The following DPYD variants were observed in gnomAD, a reference collection of about 807,000 sequenced individuals.
The protein encoded by DPYD is dihydropyrimidine dehydrogenase, also known as dihydropyrimidine dehydrogenase [NADP(+)].
In DPYD, 109 loss-of-function variants were observed where a neutral mutation model predicts 116.2. The ratio of observed to expected loss-of-function variants is 0.94; its 90% CI spans 0.80 to 1.10. The LOEUF (loss-of-function observed/expected upper bound fraction) is 1.10, where lower values mean the gene tolerates loss of function less well. Ranked by LOEUF, DPYD falls within the 50% of genes least tolerant of loss-of-function variation. DPYD has a pLI of 0.00. For synonymous variants in DPYD, 440 were observed against 432.0 expected, an observed-to-expected ratio of 1.02 and a Z score of -0.23; for missense variants, 1,302 against 1,254.5, an observed-to-expected ratio of 1.04 and a Z score of -0.57.
intron 1 of DPYD, among the ~76,000 whole-genome samples, chr1:97,900,547 T>A (rs1029148295): frequency 2.0e-5 from 3 of 151,908 alleles, no homozygotes; most frequent in African/African-American, 7.2e-5. Flanking sequence ...TTGAAATCCA[T>A]CAAATGTCAA....
chr1:97,551,751 C>T (rs1240900551), intron 11 of DPYD, among the ~76,000 whole-genome samples: 2 of 152,022 alleles, frequency 1.3e-5, no homozygotes, highest in Non-Finnish European at 2.9e-5. Flanking sequence ...TGTTTACAGT[C>T]GGCCCTCCAT....
At chr1:97,307,518 T>C (rs1226634348) in intron 16 of DPYD, among the ~76,000 whole-genome samples, 3 of 149,854 alleles carry the variant, frequency 2.0e-5, no homozygotes, top group Non-Finnish European at 2.9e-5. Context: ...AAGTTATGCA[T>C]TTTTGTGCTA....
chr1:97,375,029 C>CA (rs35693384), intron 15 of DPYD, among the ~76,000 whole-genome samples: 66,326 of 115,992 alleles, frequency 0.57, 19,321 homozygotes, highest in Middle Eastern at 0.74. Context: ...ACTCCAGTTC[C>CA]AAAAAAAAAA....
Position 97,253,354 on chromosome 1 carries a change from T to C in DPYD, c.2300-18360A>G, listed in dbSNP as rs937053172. Among the ~76,000 whole-genome samples, 107 of 152,316 alleles carry C rather than the reference T, an allele frequency of 7.0e-4. 2 individuals are homozygous for C. The highest frequency in any genetic ancestry group is 2.6e-4 in the Non-Finnish European group (18 of 68,010). ...TTCTGGAGCATTTTTACTTCTCAGC[T>C]TTTAATTATTCTTTAAAAGATTTTT... On this transcript the variant is annotated intron_variant, in intron 18 of 22. Transcript: ENST00000370192.
rs556665506 is a variant in DPYD at position 97,527,867 on chromosome 1, G to T, written c.1525-11926C>A. 3.6e-4 allele frequency among the ~76,000 whole-genome samples: 53 copies of T among 148,326 alleles called. 3 individuals are homozygous for T. Among genetic ancestry groups the T allele is most frequent in the African/African-American group, 1.3e-3 (52 of 40,638 alleles). ...ACTAGTGGTAGTGTTTGTTATATTTGATTGAAGAAGAAATCACCATCACTA... is the reference window on the plus strand; with the variant it reads ...ACTAGTGGTAGTGTTTGTTATATTTTATTGAAGAAGAAATCACCATCACTA... On this transcript the variant is annotated intron_variant, in intron 12 of 22. Transcript: ENST00000370192.
intron 3 of DPYD, among the ~76,000 whole-genome samples, chr1:97,751,596 T>C (rs1664929298): frequency 6.7e-6 from 1 of 148,904 alleles, no homozygotes; most frequent in East Asian, 2.0e-4. Flanking sequence ...AGACCTTGTC[T>C]CTACCAAAAA....
intron 1 of DPYD, among the ~76,000 whole-genome samples, chr1:97,887,642 C>T (rs924212619): frequency 1.1e-4 from 17 of 151,638 alleles, no homozygotes; most frequent in Non-Finnish European, 2.2e-4. Flanking sequence ...TCCATACAGA[C>T]ACACAAAAAA....
intron 16 of DPYD, among the ~76,000 whole-genome samples, chr1:97,371,743 A>G (rs949949217): frequency 2.6e-5 from 4 of 152,252 alleles, no homozygotes; most frequent in Admixed American, 2.0e-4. Context: ...CTTCAATCAT[A>G]TAATTTACAA....
intron 3 of DPYD, among the ~76,000 whole-genome samples, chr1:97,753,790 A>T (rs1193332699): frequency 3.3e-5 from 5 of 152,098 alleles, no homozygotes; most frequent in Admixed American, 3.3e-4. Context: ...AACATTTATA[A>T]CTATCAGAAA....
chr1:97,702,633 TAC>T (rs1661660020), intron 5 of DPYD, among the ~76,000 whole-genome samples: 1 of 151,904 alleles, frequency 6.6e-6, no homozygotes. Context: ...AATATGAAGT[TAC>T]AGTGTCATAA....
At chr1:97,360,581 G>C (rs1363052761) in intron 16 of DPYD, among the ~76,000 whole-genome samples, 2 of 152,274 alleles carry the variant, frequency 1.3e-5, no homozygotes, top group East Asian at 3.9e-4. Context: ...AAATGGAAAA[G>C]AACAGAAATC....
At chr1:97,275,145 C>T (rs979658791) in intron 18 of DPYD, among the ~76,000 whole-genome samples, 2 of 152,054 alleles carry the variant, frequency 1.3e-5, no homozygotes, top group Non-Finnish European at 2.9e-5. Flanking sequence ...GGGGCAGTGG[C>T]AGGGGATGGC....
chr1:97,515,695 T>G, intron 13 of DPYD, 31 bp downstream of exon 13: 1 of 1,588,622 alleles, frequency 6.3e-7, no homozygotes, highest in Non-Finnish European at 8.6e-7. Flanking sequence ...ATGATAGACA[T>G]TTCTATATGA....
intron 10 of DPYD, among the ~76,000 whole-genome samples, chr1:97,576,192 C>T (rs1653251703): frequency 6.6e-6 from 1 of 152,074 alleles, no homozygotes; most frequent in Non-Finnish European, 1.5e-5. Context: ...CCTTATAACT[C>T]ATCAATATAA....
At chr1:97,453,048 A>G (rs1325406066) in intron 13 of DPYD, among the ~76,000 whole-genome samples, 4 of 151,942 alleles carry the variant, frequency 2.6e-5, no homozygotes, top group Admixed American at 1.3e-4. Context: ...CCCTTTTTCT[A>G]GAACTCAGTA....
At chr1:97,180,128 G>A (rs544292096) in intron 20 of DPYD, among the ~76,000 whole-genome samples, 1 of 151,126 alleles carries the variant, frequency 6.6e-6, no homozygotes, top group East Asian at 1.9e-4. Flanking sequence ...TTTTTTTTTG[G>A]TAAATTAAAT....
At chr1:97,649,570 T>C (rs1453125105) in intron 8 of DPYD, among the ~76,000 whole-genome samples, 1 of 152,090 alleles carries the variant, frequency 6.6e-6, no homozygotes, top group African/African-American at 2.4e-5. Context: ...CAATTAATCA[T>C]GTATTTCTCT....
chr1:97,096,679 C>T (rs1404976371), intron 21 of DPYD, among the ~76,000 whole-genome samples: 1 of 152,092 alleles, frequency 6.6e-6, no homozygotes, highest in Non-Finnish European at 1.5e-5. Flanking sequence ...CACGAATCAG[C>T]AGGGTCCTAA....
At chr1:97,607,895 T>A (rs74721888) in intron 8 of DPYD, among the ~76,000 whole-genome samples, 12,851 of 151,972 alleles carry the variant, frequency 0.085, 760 homozygotes, top group Middle Eastern at 0.14. Flanking sequence ...GTACAATACA[T>A]GGCCACTAGC....
Sources: allele counts gnomAD v4.1 joint callset (sites outside exome capture counted in the v4.1 genomes callset), GRCh38; gene constraint gnomAD v4.1.1; transcripts MANE v1.5; gene names NCBI Gene and HGNC (gene_info 2026-07-23, HGNC 2026-07-21).